NELL1: variants seen among roughly 807,000 people sequenced by gnomAD.
NELL1 encodes the protein neural EGFL like 1, also known as protein kinase C-binding protein NELL1.
Under a neutral mutation model 107.4 loss-of-function variants are expected in NELL1, and 76 were observed. That is an observed-to-expected ratio of 0.71 (90% confidence interval 0.59 to 0.86). NELL1 has a LOEUF of 0.86. Ranked by LOEUF, NELL1 falls within the 40% of genes least tolerant of loss-of-function variation. The probability of loss-of-function intolerance (pLI) is 0.00; values close to 1 mark genes in which losing one functional copy is unlikely to be tolerated. For missense variants in NELL1, 1,024 were observed against 1,005.5 expected (o/e 1.02, Z -0.25); for synonymous variants, 353 against 341.2 (o/e 1.03, Z -0.38).
At chr11:20,757,589 C>G (rs1444448120) in intron 2 of NELL1, among the ~76,000 whole-genome samples, 1 of 152,226 alleles carries the variant, frequency 6.6e-6, no homozygotes. Context: ...TGCCCATAAC[C>G]TTGCCTTTAT....
chr11:20,892,422 G>A (rs543046035), intron 5 of NELL1, among the ~76,000 whole-genome samples: 1 of 152,268 alleles, frequency 6.6e-6, no homozygotes, highest in Non-Finnish European at 1.5e-5. Flanking sequence ...TATTAAAAAG[G>A]CAAGAAACAA....
intron 14 of NELL1, among the ~76,000 whole-genome samples, chr11:21,254,091 G>T (rs1225868687): frequency 6.6e-6 from 1 of 152,066 alleles, no homozygotes; most frequent in Admixed American, 6.6e-5. Context: ...TTGCAGGGAA[G>T]AGCATAGCAT....
chr11:21,332,497 C>A (rs181675364), intron 14 of NELL1, among the ~76,000 whole-genome samples: 1 of 152,010 alleles, frequency 6.6e-6, no homozygotes, highest in African/African-American at 2.4e-5. Context: ...TCATTATATC[C>A]TTTGCTACTC....
intron 13 of NELL1, among the ~76,000 whole-genome samples, chr11:21,192,647 C>T (rs1857071344): frequency 3.3e-5 from 5 of 151,688 alleles, no homozygotes; most frequent in Admixed American, 3.3e-4. Flanking sequence ...AGTCAAAGGG[C>T]ATGTTTTGTA....
chr11:20,694,478 G>A lies in NELL1; in HGVS notation c.184+16418G>A, dbSNP rs186157694. ...GACAGGAGTCTATTTTCATTCTTCT[G>A]TATATGGCTGGTCAGTTATCCCAGC... On this transcript the variant is annotated intron_variant, in intron 2 of 19. Coordinates refer to ENST00000357134, the MANE Select transcript of NELL1 (RefSeq NM_006157.5). 1.7e-3 allele frequency among the ~76,000 whole-genome samples: 264 copies of A among 152,118 alleles called. 1 individual carries two copies. The highest frequency in any genetic ancestry group is 2.5e-3 in the Non-Finnish European group (169 of 67,986).
chr11:21,360,704 T>A (rs949970163), intron 14 of NELL1, among the ~76,000 whole-genome samples: 14 of 152,208 alleles, frequency 9.2e-5, no homozygotes, highest in South Asian at 6.2e-4. Context: ...TCCTGTTTGA[T>A]CCTTCATCTT....
At chr11:21,302,056 T>C (rs1177469030) in intron 14 of NELL1, among the ~76,000 whole-genome samples, 1 of 151,990 alleles carries the variant, frequency 6.6e-6, no homozygotes, top group Non-Finnish European at 1.5e-5. Context: ...TTGCTCATCT[T>C]CTCCTCTGTT....
intron 3 of NELL1, among the ~76,000 whole-genome samples, chr11:20,812,739 T>G (rs919514217): frequency 2.2e-4 from 34 of 152,114 alleles, no homozygotes; most frequent in African/African-American, 8.2e-4. Context: ...CCGGGCGCGG[T>G]GGCTCACGCC....
At chr11:21,222,660 C>T (rs1857788365) in intron 13 of NELL1, among the ~76,000 whole-genome samples, 1 of 152,034 alleles carries the variant, frequency 6.6e-6, no homozygotes, top group South Asian at 2.1e-4. Context: ...TTTATGTCAG[C>T]TTTTATTGCT....
intron 12 of NELL1, among the ~76,000 whole-genome samples, chr11:21,037,661 G>A (rs1443160764): frequency 6.6e-6 from 1 of 152,028 alleles, no homozygotes; most frequent in African/African-American, 2.4e-5. Flanking sequence ...ATCGAAACCT[G>A]GTTATAGAGA....
intron 12 of NELL1, among the ~76,000 whole-genome samples, chr11:20,998,538 T>C (rs1852143005): frequency 6.6e-6 from 1 of 152,196 alleles, no homozygotes; most frequent in African/African-American, 2.4e-5. Context: ...CATCTCTATA[T>C]ACCTCCAGTT....
chr11:21,232,195 T>G (rs1858080347), intron 14 of NELL1, among the ~76,000 whole-genome samples: 1 of 144,372 alleles, frequency 6.9e-6, no homozygotes, highest in African/African-American at 2.6e-5. Context: ...CTGGGCGTGG[T>G]GGTGTCCACC....
chr11:21,382,512 C>G (rs1851637896), intron 15 of NELL1, among the ~76,000 whole-genome samples: 1 of 151,858 alleles, frequency 6.6e-6, no homozygotes, highest in Admixed American at 6.6e-5. Context: ...TTTTATAGAT[C>G]TCAAGTTGTA....
chr11:21,173,969 T>A (rs1361682780), intron 13 of NELL1, among the ~76,000 whole-genome samples: 1 of 151,862 alleles, frequency 6.6e-6, no homozygotes, highest in Non-Finnish European at 1.5e-5. Context: ...ATGCTTTATA[T>A]GCATTAATTT....
intron 9 of NELL1, among the ~76,000 whole-genome samples, chr11:20,936,497 G>A (rs73456764): frequency 0.041 from 6,244 of 152,252 alleles, 427 homozygotes; most frequent in African/African-American, 0.14. Flanking sequence ...TTATTGGAAG[G>A]GAGGAATGAA....
In NELL1 at chr11:21,462,318, A is replaced by G. The variant is rs79308087; in HGVS notation, c.1646-72056A>G. On this transcript the variant is annotated intron_variant, in intron 15 of 19. Coordinates refer to ENST00000357134, the MANE Select transcript of NELL1 (RefSeq NM_006157.5). ...CAAGGGATATACTAACTACTTCATC[A>G]TGGATACCAATGGGCAGTGCTTGCT... Among the ~76,000 whole-genome samples, 7 of 152,246 alleles carry G rather than the reference A, an allele frequency of 4.6e-5. No individual in the cohort carries two copies. The East Asian group carries it at 1.4e-3, about 29-fold the overall frequency.
chr11:21,000,396 G>A (rs542698312), intron 12 of NELL1, among the ~76,000 whole-genome samples: 3 of 152,212 alleles, frequency 2.0e-5, no homozygotes, highest in African/African-American at 7.2e-5. Flanking sequence ...AATCTTTTCG[G>A]AACCCAGAGT....
chr11:21,261,426 A>G (rs1198062442), intron 14 of NELL1, among the ~76,000 whole-genome samples: 1 of 151,496 alleles, frequency 6.6e-6, no homozygotes, highest in Admixed American at 6.6e-5. Context: ...TTCTTTTATT[A>G]TTTAGATGGA....
intron 12 of NELL1, among the ~76,000 whole-genome samples, chr11:21,005,184 G>A (rs540652687): frequency 4.6e-5 from 7 of 152,184 alleles, no homozygotes; most frequent in South Asian, 2.1e-4. Context: ...TAAAAACATC[G>A]ATATGATGAT....
Sources: allele counts gnomAD v4.1 joint callset (sites outside exome capture counted in the v4.1 genomes callset), GRCh38; gene constraint gnomAD v4.1.1; transcripts MANE v1.5; gene names NCBI Gene and HGNC (gene_info 2026-07-23, HGNC 2026-07-21).